PDE11A: variants seen among roughly 807,000 people sequenced by gnomAD.
PDE11A encodes phosphodiesterase 11A.
In PDE11A, 100 loss-of-function variants were observed where a neutral mutation model predicts 100.5. The observed-to-expected ratio is 1.00, with a 90% CI of 0.85 to 1.18. The LOEUF (loss-of-function observed/expected upper bound fraction) is 1.18. Ranked by LOEUF, PDE11A falls within the 50% of genes most tolerant of loss-of-function variation. PDE11A has a pLI of 0.00. For synonymous variants in PDE11A, 381 were observed against 420.8 expected (o/e 0.91, Z 1.16); for missense variants, 1,141 against 1,152.6 (o/e 0.99, Z 0.15).
At chr2:177,826,522 A>G (rs1441761596) in intron 6 of PDE11A, among the ~76,000 whole-genome samples, 2 of 152,244 alleles carry the variant, frequency 1.3e-5, no homozygotes. Flanking sequence ...TAATAGAGAG[A>G]GAACTGAGTT....
intron 9 of PDE11A, among the ~76,000 whole-genome samples, chr2:177,794,604 A>G (rs1026363868): frequency 6.6e-6 from 1 of 152,164 alleles, no homozygotes; most frequent in Non-Finnish European, 1.5e-5. Context: ...TGTTAAGCTC[A>G]GGGGCTGCTG....
rs770181845 is a variant in PDE11A at position 177,629,423 on chromosome 2, T to C, written c.2786A>G (p.Lys929Arg). The C allele has an allele frequency of 1.9e-6, 3 of 1,609,036 alleles. No homozygotes were observed. The highest frequency in any genetic ancestry group is 1.3e-5 in the African/African-American group (1 of 74,566). The change falls in exon 20 of 20, where the codon AAG (lysine) becomes AGG (arginine). Residue 929 changes from lysine (K) to arginine (R), a missense_variant. Transcript: ENST00000286063. ...CCTGGAGGTTTAGTTCCTGTCTTCCTTGGCTACCATAACACTGGCAGGGGA... is the reference window on the plus strand; with the variant it reads ...CCTGGAGGTTTAGTTCCTGTCTTCCCTGGCTACCATAACACTGGCAGGGGA... ...SSSPASVMVA[K>R]EDRN
intron 2 of PDE11A, among the ~76,000 whole-genome samples, chr2:178,011,084 G>A (rs914143661): frequency 6.6e-6 from 1 of 152,054 alleles, no homozygotes; most frequent in Non-Finnish European, 1.5e-5. Context: ...CAAGTTTTAC[G>A]GTGAAAAAAA....
chr2:177,722,371 C>A (rs1294985316), intron 12 of PDE11A, among the ~76,000 whole-genome samples: 1 of 152,130 alleles, frequency 6.6e-6, no homozygotes, highest in East Asian at 1.9e-4. Flanking sequence ...AATGGCAGCG[C>A]TTAAAGTGAG....
At chr2:177,636,998 ACTT>A (rs1422222867) in intron 19 of PDE11A, among the ~76,000 whole-genome samples, 1 of 152,192 alleles carries the variant, frequency 6.6e-6, no homozygotes, top group Admixed American at 6.5e-5. Flanking sequence ...AGAAGGAAAG[ACTT>A]CTTCTTGGGC....
At chr2:177,914,863 T>C (rs1296898420) in intron 2 of PDE11A, among the ~76,000 whole-genome samples, 1 of 152,194 alleles carries the variant, frequency 6.6e-6, no homozygotes, top group Non-Finnish European at 1.5e-5. Context: ...TTTATCAAAC[T>C]CCTTCCTTTT....
At chr2:177,843,884 C>T (rs923857255) in intron 5 of PDE11A, among the ~76,000 whole-genome samples, 4 of 152,112 alleles carry the variant, frequency 2.6e-5, no homozygotes, top group Admixed American at 1.3e-4. Context: ...GTGCTGAAGA[C>T]GTCCATGGAG....
intron 19 of PDE11A, among the ~76,000 whole-genome samples, chr2:177,632,147 G>T (rs530446875): frequency 1.3e-5 from 2 of 152,294 alleles, no homozygotes; most frequent in South Asian, 4.1e-4. Context: ...TGCTGAGGAT[G>T]TAACATAAAA....
At chr2:178,082,330 CCACCAGTCCATA>C (rs1488873627) in intron 2 of PDE11A, among the ~76,000 whole-genome samples, 5 of 152,150 alleles carry the variant, frequency 3.3e-5, no homozygotes, top group Admixed American at 1.3e-4. Flanking sequence ...ATTAATTTAG[CCACCAGTCCATA>C]CACCTGAAAG....
At chr2:177,988,014 G>A (rs149876588) in intron 2 of PDE11A, among the ~76,000 whole-genome samples, 2 of 152,300 alleles carry the variant, frequency 1.3e-5, no homozygotes, top group African/African-American at 4.8e-5. Context: ...AAGTCACTGA[G>A]TACCACCATT....
chr2:177,799,436 G>A (rs933884981), intron 9 of PDE11A, among the ~76,000 whole-genome samples: 2 of 152,144 alleles, frequency 1.3e-5, no homozygotes, highest in African/African-American at 4.8e-5. Flanking sequence ...CAATTTTTCT[G>A]TAAATCTAAA....
intron 10 of PDE11A, among the ~76,000 whole-genome samples, chr2:177,757,857 G>A (rs1447294466): frequency 6.6e-6 from 1 of 152,116 alleles, no homozygotes; most frequent in Admixed American, 6.5e-5. Flanking sequence ...AGAGTTTTCT[G>A]TTACAGTGGG....
intron 12 of PDE11A, among the ~76,000 whole-genome samples, chr2:177,727,043 G>T (rs1222143496): frequency 1.3e-5 from 2 of 152,044 alleles, no homozygotes; most frequent in East Asian, 3.9e-4. Flanking sequence ...ACAAACATTT[G>T]CTTTGAGATT....
chr2:177,711,135 C>T (rs909314580), intron 13 of PDE11A, among the ~76,000 whole-genome samples: 6 of 152,232 alleles, frequency 3.9e-5, no homozygotes, highest in Non-Finnish European at 5.9e-5. Context: ...CAACAGCTAT[C>T]TTGACCAGGA....
At chr2:178,027,386 G>T (rs187926509) in intron 1 of PDE11A, among the ~76,000 whole-genome samples, 1 of 152,172 alleles carries the variant, frequency 6.6e-6, no homozygotes, top group Admixed American at 6.5e-5. Flanking sequence ...ATTTCCTAAG[G>T]GTGATGAAAT....
At chr2:178,032,135 T>A (rs778835812) in intron 1 of PDE11A, among the ~76,000 whole-genome samples, 31 of 152,054 alleles carry the variant, frequency 2.0e-4, no homozygotes, top group Non-Finnish European at 3.8e-4. Flanking sequence ...AGAAAAGAAA[T>A]AAAATTGTAT....
intron 19 of PDE11A, among the ~76,000 whole-genome samples, chr2:177,647,626 A>G (rs996953147): frequency 6.6e-6 from 1 of 152,266 alleles, no homozygotes; most frequent in Admixed American, 6.5e-5. Flanking sequence ...AGCACCAGAC[A>G]TGCTTAGTTC....
chr2:177,908,849 A>T (rs922934453), intron 2 of PDE11A, among the ~76,000 whole-genome samples: 1 of 152,314 alleles, frequency 6.6e-6, no homozygotes, highest in South Asian at 2.1e-4. Context: ...GTTTCTGTTA[A>T]ACCTAGTTTT....
chr2:177,985,103 G>A (rs2085925657), intron 2 of PDE11A, among the ~76,000 whole-genome samples: 1 of 152,154 alleles, frequency 6.6e-6, no homozygotes, highest in Non-Finnish European at 1.5e-5. Context: ...TAAATCAATT[G>A]GCATTTGATA....
Sources: gnomAD v4.1 joint callset for allele counts (sites outside exome capture counted in the v4.1 genomes callset) on GRCh38, gnomAD v4.1.1 for gene constraint, MANE v1.5 for transcripts, NCBI Gene and HGNC (gene_info 2026-07-23, HGNC 2026-07-21) for gene names.